Variants in CD1B observed in about 807,000 individuals in gnomAD.
CD1B encodes the protein T-cell surface glycoprotein CD1b.
A neutral mutation model predicts 39.8 loss-of-function variants in CD1B; 43 were observed. The observed-to-expected ratio is 1.08, with a 90% CI of 0.85 to 1.39. The LOEUF (loss-of-function observed/expected upper bound fraction) is 1.39. Among genes scored for constraint, CD1B ranks in the 40% most tolerant of loss-of-function variants. CD1B has a pLI of 0.00. For synonymous variants in CD1B, 192 were observed against 152.5 expected (o/e 1.26, Z -1.91); for missense variants, 495 against 403.8 (o/e 1.23, Z -1.94).
downstream of CD1B, among the ~76,000 whole-genome samples, chr1:158,323,111 G>A (rs1272699273): frequency 6.6e-6 from 1 of 151,638 alleles, no homozygotes; most frequent in African/African-American, 2.4e-5. Context: ...GTACCCTCTT[G>A]AACTCCAATG....
chr1:158,319,996 G>A, the CD1B span, among the ~76,000 whole-genome samples: 50,613 of 151,942 alleles, frequency 0.33, 9,234 homozygotes, highest in African/African-American at 0.48. Context: ...TCAGGGACCC[G>A]CTTGAGGAGG....
At chr1:158,303,911 G>GA in the CD1B span, among the ~76,000 whole-genome samples, 3 of 152,098 alleles carry the variant, frequency 2.0e-5, no homozygotes, top group African/African-American at 7.2e-5. Context: ...CATAGAATTT[G>GA]AAAAAACTAT....
At chr1:158,305,649 A>C in the CD1B span, among the ~76,000 whole-genome samples, 1 of 152,244 alleles carries the variant, frequency 6.6e-6, no homozygotes, top group African/African-American at 2.4e-5. Flanking sequence ...CAAAGTTGAA[A>C]TGAAGGAAAA....
chr1:158,306,612 A>T, the CD1B span, among the ~76,000 whole-genome samples: 1 of 152,166 alleles, frequency 6.6e-6, no homozygotes, highest in Non-Finnish European at 1.5e-5. Context: ...TCCACCCCAA[A>T]TCAACAGAAT....
At chr1:158,317,405 C>T in the CD1B span, among the ~76,000 whole-genome samples, 5 of 152,216 alleles carry the variant, frequency 3.3e-5, no homozygotes, top group Admixed American at 6.5e-5. Context: ...GTGTATGTGT[C>T]GAGGAATTTA....
chr1:158,291,115 GCC>G, the CD1B span: 52 of 1,550,678 alleles, frequency 3.4e-5, no homozygotes, highest in Non-Finnish European at 4.4e-5. Flanking sequence ...TACACTACTT[GCC>G]CTTCTTCCAC....
chr1:158,319,921 G>A, the CD1B span, among the ~76,000 whole-genome samples: 396 of 152,276 alleles, frequency 2.6e-3, 3 homozygotes, highest in Admixed American at 2.5e-3. Context: ...GTACCCTGCC[G>A]TGTGAGGTGT....
At chr1:158,322,888 C>T in the CD1B span, among the ~76,000 whole-genome samples, 1 of 152,170 alleles carries the variant, frequency 6.6e-6, no homozygotes, top group Non-Finnish European at 1.5e-5. Flanking sequence ...CATTCCCTTA[C>T]ATGTTATTTG....
the CD1B span, among the ~76,000 whole-genome samples, chr1:158,304,444 C>T: frequency 6.6e-6 from 1 of 152,136 alleles, no homozygotes. Context: ...GGCCAGGAAG[C>T]TCGAATGGGG....
the CD1B span, among the ~76,000 whole-genome samples, chr1:158,308,083 A>C: frequency 1.3e-5 from 2 of 152,032 alleles, no homozygotes; most frequent in African/African-American, 4.8e-5. Flanking sequence ...TATCTAGAAA[A>C]CCCCATCGTC....
At chr1:158,318,925 C>T in the CD1B span, among the ~76,000 whole-genome samples, 7 of 152,128 alleles carry the variant, frequency 4.6e-5, no homozygotes, top group Non-Finnish European at 1.5e-5. Flanking sequence ...ACTTATGAAG[C>T]TTAGTTTGGC....
At chr1:158,320,913 A>T in the CD1B span, among the ~76,000 whole-genome samples, 1 of 152,126 alleles carries the variant, frequency 6.6e-6, no homozygotes, top group African/African-American at 2.4e-5. Flanking sequence ...TAAGACTTTT[A>T]TTGCAGCTTA....
the CD1B span, chr1:158,291,111 A>G: frequency 4.4e-6 from 7 of 1,592,786 alleles, no homozygotes; most frequent in Non-Finnish European, 6.0e-6. Flanking sequence ...TCCTTACACT[A>G]CTTGCCCTTC....
chr1:158,318,178 T>G, the CD1B span, among the ~76,000 whole-genome samples: 1 of 152,174 alleles, frequency 6.6e-6, no homozygotes, highest in East Asian at 1.9e-4. Flanking sequence ...GTCTATTAGG[T>G]CCGCTTGGGG....
chr1:158,328,538 T>C (rs1652448212), intron 5 of CD1B, among the ~76,000 whole-genome samples: 1 of 152,186 alleles, frequency 6.6e-6, no homozygotes, highest in East Asian at 1.9e-4. Flanking sequence ...GTACCTAGAA[T>C]AGTAGAATTC....
At chr1:158,317,743 A>G in the CD1B span, among the ~76,000 whole-genome samples, 1 of 152,036 alleles carries the variant, frequency 6.6e-6, no homozygotes, top group Admixed American at 6.6e-5. Flanking sequence ...TAGTTCTTTT[A>G]ACTGTGATGT....
At chr1:158,312,803 A>C in the CD1B span, among the ~76,000 whole-genome samples, 2 of 152,182 alleles carry the variant, frequency 1.3e-5, no homozygotes, top group African/African-American at 4.8e-5. Context: ...AACAGGGATA[A>C]TTTGACTTCC....
chr1:158,291,433 T>G, the CD1B span: 1 of 1,602,314 alleles, frequency 6.2e-7, no homozygotes, highest in Non-Finnish European at 8.5e-7. Context: ...TGGGAGTTCT[T>G]TAGAATGTTC....
the CD1B span, among the ~76,000 whole-genome samples, chr1:158,312,923 T>A: frequency 6.6e-6 from 1 of 152,164 alleles, no homozygotes; most frequent in Non-Finnish European, 1.5e-5. Flanking sequence ...TTTGCTTAGT[T>A]CCAGATTTTA....
Sources: allele counts gnomAD v4.1 joint callset (sites outside exome capture counted in the v4.1 genomes callset), GRCh38; gene constraint gnomAD v4.1.1; transcripts MANE v1.5; gene names NCBI Gene and HGNC (gene_info 2026-07-23, HGNC 2026-07-21).